Variants in BCL11A observed in about 807,000 individuals in gnomAD.
BCL11A encodes B cell CLL/lymphoma 11A.
Under a neutral mutation model 55.9 loss-of-function variants are expected in BCL11A, and 2 were observed. The observed-to-expected ratio is 0.04, with a 90% CI of 0.01 to 0.11. BCL11A has a LOEUF of 0.11. Ranked by LOEUF, BCL11A falls within the 10% of genes least tolerant of loss-of-function variation. The probability of loss-of-function intolerance (pLI) is 1.00; values close to 1 mark genes in which losing one functional copy is unlikely to be tolerated. For missense variants in BCL11A, 817 were observed against 1,137.1 expected, an observed-to-expected ratio of 0.72 and a Z score of 4.05; for synonymous variants, 465 against 473.4, an observed-to-expected ratio of 0.98 and a Z score of 0.23.
chr2:60,472,552 TC>T (rs1458399261), intron 2 of BCL11A, among the ~76,000 whole-genome samples: 1 of 152,226 alleles, frequency 6.6e-6, no homozygotes, highest in Non-Finnish European at 1.5e-5. Flanking sequence ...CTCTTATTTT[TC>T]AGGTTTCATT....
At chr2:60,484,082 C>G (rs1283683996) in intron 2 of BCL11A, 1 of 152,206 alleles carries the variant, frequency 6.6e-6, no homozygotes, top group Non-Finnish European at 1.5e-5. Flanking sequence ...AGATTTTCTG[C>G]AAATGCAGGT....
rs989247494 is a variant in BCL11A at position 60,458,748 on chromosome 2, T to G, written c.*1656A>C. On this transcript the variant is annotated 3_prime_UTR_variant, in exon 4 of 4. Transcript: ENST00000642384. Reference sequence around the variant, plus strand: ...CTTAATTGTCCTATCTGAGCAGGTTTATTTTATACTCAACCTCTGTATCTC... The same window carrying G: ...CTTAATTGTCCTATCTGAGCAGGTTGATTTTATACTCAACCTCTGTATCTC... 13 of 1,032,968 alleles carry G rather than the reference T, an allele frequency of 1.3e-5. No homozygotes were observed. In the African/African-American group the frequency reaches 2.2e-4, roughly 17 times the overall value. 64.0% of individuals were successfully genotyped at this position (1,032,968 alleles called of 1,614,324 possible).
At chr2:60,496,389 CA>C (rs1375212836) in intron 2 of BCL11A, among the ~76,000 whole-genome samples, 1 of 152,176 alleles carries the variant, frequency 6.6e-6, no homozygotes, top group Non-Finnish European at 1.5e-5. Flanking sequence ...TTTGTGAAAC[CA>C]TTTCCCAGGC....
At chr2:60,519,730 C>T (rs750904241) in intron 2 of BCL11A, among the ~76,000 whole-genome samples, 1 of 152,190 alleles carries the variant, frequency 6.6e-6, no homozygotes, top group Non-Finnish European at 1.5e-5. Context: ...AGCTGGGAGC[C>T]ACTGGTTTAG....
At chr2:60,540,242 T>TA (rs1167092854) in intron 2 of BCL11A, among the ~76,000 whole-genome samples, 1 of 152,172 alleles carries the variant, frequency 6.6e-6, no homozygotes, top group Non-Finnish European at 1.5e-5. Flanking sequence ...AATCTCATGC[T>TA]AAAAAAGTGG....
intron 2 of BCL11A, among the ~76,000 whole-genome samples, chr2:60,505,256 AAAG>A (rs1369434790): frequency 6.6e-6 from 1 of 152,250 alleles, no homozygotes; most frequent in Non-Finnish European, 1.5e-5. Context: ...ATCGGAGAGA[AAAG>A]AAGGGACGGA....
intron 2 of BCL11A, among the ~76,000 whole-genome samples, chr2:60,518,057 C>G (rs933752393): frequency 6.6e-6 from 1 of 152,046 alleles, no homozygotes; most frequent in African/African-American, 2.4e-5. Flanking sequence ...TTTGGAAGGC[C>G]ACAGAGGGAA....
At chr2:60,498,975 T>C (rs1001439325) in intron 2 of BCL11A, among the ~76,000 whole-genome samples, 1 of 152,134 alleles carries the variant, frequency 6.6e-6, no homozygotes. Flanking sequence ...GGGGCATTGA[T>C]GAGAGGCAGG....
intron 2 of BCL11A, among the ~76,000 whole-genome samples, chr2:60,538,739 C>CTGTGTGTGTG (rs777467539): frequency 5.9e-5 from 4 of 67,432 alleles, no homozygotes; most frequent in Non-Finnish European, 1.1e-4. Flanking sequence ...CTCTCTCTCT[C>CTGTGTGTGTG]TGTGTGTGTG....
intron 2 of BCL11A, among the ~76,000 whole-genome samples, chr2:60,479,074 G>A (rs1346261908): frequency 5.9e-5 from 9 of 151,864 alleles, no homozygotes; most frequent in Non-Finnish European, 1.2e-4. Flanking sequence ...GGAGATGCCC[G>A]CAGATACAAC....
chr2:60,529,823 A>C (rs1052290501), intron 2 of BCL11A, among the ~76,000 whole-genome samples: 1 of 152,178 alleles, frequency 6.6e-6, no homozygotes, highest in Non-Finnish European at 1.5e-5. Flanking sequence ...TATTGTGTGA[A>C]TATCATTTCA....
Position 60,546,088 on chromosome 2 carries a change from T to G in BCL11A, c.268A>C (p.Ile90Leu), listed in dbSNP as rs376170569. The G allele has an allele frequency of 2.5e-6, 4 of 1,614,180 alleles. No homozygotes were observed. In the East Asian group the frequency reaches 8.9e-5, roughly 36 times the overall value. Reference protein sequence around the residue: ...AVDKPPSPSPIEMKKASNPVE... With the variant: ...AVDKPPSPSPLEMKKASNPVE... ...GGATTGGATGCTTTTTTCATCTCGATTGGTGAAGGGGAAGGTGGCTTATCC... is the reference window on the plus strand; with the variant it reads ...GGATTGGATGCTTTTTTCATCTCGAGTGGTGAAGGGGAAGGTGGCTTATCC... Residue 90 changes from isoleucine to leucine, a missense_variant, in exon 2 of 4, where the codon ATC becomes CTC. This residue lies in a region of BCL11A where 363 missense variants were observed against 486.6 expected (regional missense o/e 0.75). Transcript: ENST00000642384. This position sits in a 1 kb window ranked among gnomAD's most constrained non-coding sequence, Gnocchi z 4.1.
At chr2:60,477,125 C>T (rs1243018169) in intron 2 of BCL11A, among the ~76,000 whole-genome samples, 3 of 152,320 alleles carry the variant, frequency 2.0e-5, no homozygotes, top group Non-Finnish European at 4.4e-5. Flanking sequence ...GCAAACCACA[C>T]TTGCGTTTCT....
At position 60,461,833 on chromosome 2, in the gene BCL11A, AGGGG is replaced by A; in HGVS notation, c.1075_1078del (p.Pro359SerfsTer61). 1 of 605,350 alleles carries A rather than the reference AGGGG, an allele frequency of 1.7e-6. No individual in the cohort carries two copies. Among genetic ancestry groups the A allele is most frequent in the Non-Finnish European group, 2.3e-6 (1 of 433,514 alleles). 37.5% of individuals were successfully genotyped at this position (605,350 alleles called of 1,614,324 possible). A position where few individuals can be genotyped will look rare whatever the true frequency, so the allele number is the denominator to read the frequency against. On this transcript the variant is annotated frameshift_variant, in exon 4 of 4. Coordinates refer to ENST00000642384, the MANE Select transcript of BCL11A (RefSeq NM_022893.4). LOFTEE classifies it high-confidence loss of function. ...AGGAGGGGCGGATTGCAGAGGAGGGAGGGGGGGCGTCGCCAGGAAGGGCGGCTTG... is the reference window on the plus strand; with the variant it reads ...AGGAGGGGCGGATTGCAGAGGAGGGAGGGCGTCGCCAGGAAGGGCGGCTTG...
Position 60,517,461 on chromosome 2 carries a change from G to A in BCL11A, c.385+28510C>T, listed in dbSNP as rs540289276. On this transcript the variant is annotated intron_variant, in intron 2 of 3. Transcript: ENST00000642384. ...ATTCTCTGCAACAGCACAGGTGATT[G>A]GGTGGTGGTTTTGTTGCTTGGGTTT... 5.9e-5 allele frequency among the ~76,000 whole-genome samples: 9 copies of A among 152,350 alleles called. No individual in the cohort carries two copies. In the South Asian group the frequency reaches 1.9e-3, roughly 32 times the overall value.
At chr2:60,499,150 T>C (rs1047571226) in intron 2 of BCL11A, among the ~76,000 whole-genome samples, 4 of 152,250 alleles carry the variant, frequency 2.6e-5, no homozygotes, top group African/African-American at 9.6e-5. Context: ...TTATCTTCTC[T>C]GGTCTCGGGG....
At chr2:60,523,072 A>G (rs1474937305) in intron 2 of BCL11A, among the ~76,000 whole-genome samples, 5 of 152,246 alleles carry the variant, frequency 3.3e-5, no homozygotes, top group Non-Finnish European at 1.5e-5. Flanking sequence ...GTTGGACTTA[A>G]TATCTTTCAG....
rs112279202 is a variant in BCL11A, at chr2:60,485,385, C to A, written c.386-16552G>T. Among the ~76,000 whole-genome samples the A allele has an allele frequency of 3.9e-5, 6 of 152,384 alleles. No individual in the cohort carries two copies. The East Asian group carries it at 1.2e-3, about 29-fold the overall frequency. On this transcript the variant is annotated intron_variant, in intron 2 of 3. Coordinates refer to ENST00000642384, the MANE Select transcript of BCL11A (RefSeq NM_022893.4). Reference sequence around the variant, plus strand: ...AGCCCCAGCAGGGCCCATGCCTCTACGGCCATGTTGCTGTCATCTTCGTTC... The same window carrying A: ...AGCCCCAGCAGGGCCCATGCCTCTAAGGCCATGTTGCTGTCATCTTCGTTC...
chr2:60,532,788 T>G (rs1349745307), intron 2 of BCL11A: 2 of 152,200 alleles, frequency 1.3e-5, no homozygotes, highest in Non-Finnish European at 2.9e-5. Context: ...CATTAACTGG[T>G]TTGGATTAAA....
Sources: allele counts gnomAD v4.1 joint callset (sites outside exome capture counted in the v4.1 genomes callset), GRCh38; gene constraint gnomAD v4.1.1; regional missense constraint gnomAD v4.1.1; non-coding constraint Gnocchi (gnomAD v3.1); transcripts MANE v1.5; gene names NCBI Gene and HGNC (gene_info 2026-07-23, HGNC 2026-07-21).